The following RTF2 variants were observed in gnomAD, a reference collection of about 807,000 sequenced individuals.
RTF2 encodes replication termination factor 2.
A neutral mutation model predicts 38.0 loss-of-function variants in RTF2; 18 were observed. The ratio of observed to expected loss-of-function variants is 0.47; its 90% CI spans 0.33 to 0.70. RTF2 has a LOEUF of 0.70. Ranked by LOEUF, RTF2 falls within the 30% of genes least tolerant of loss-of-function variation. The pLI is 0.02. For missense variants in RTF2, 311 were observed against 379.6 expected, an observed-to-expected ratio of 0.82 and a Z score of 1.50; for synonymous variants, 126 against 137.1, an observed-to-expected ratio of 0.92 and a Z score of 0.57.
intron 5 of RTF2, among the ~76,000 whole-genome samples, chr20:56,510,006 A>G (rs12480844): frequency 0.27 from 41,511 of 151,888 alleles, 6,917 homozygotes; most frequent in South Asian, 0.43. Context: ...AAAAACATGT[A>G]TATTGTATGA....
At chr20:56,491,610 G>A (rs758359093) in intron 5 of RTF2, 1 of 1,551,734 alleles carries the variant, frequency 6.4e-7, no homozygotes, top group Non-Finnish European at 8.7e-7. Flanking sequence ...TGCCAGTGTG[G>A]CTCTATAGGA....
Position 56,469,813 on chromosome 20 carries a change from T to C in RTF2, c.69+1047T>C, listed in dbSNP as rs139163675. On this transcript the variant is annotated intron_variant, in intron 1 of 8. Transcript: ENST00000357348. ...CTGCCCCTCTCCACCTCTTTCATAC[T>C]GTTCTAGCTAAACAGGCCTCTTGTT... Among the ~76,000 whole-genome samples, 39 of 152,350 alleles carry C rather than the reference T, an allele frequency of 2.6e-4. 1 individual carries two copies. The East Asian group carries it at 7.5e-3, about 29-fold the overall frequency.
intron 5 of RTF2, among the ~76,000 whole-genome samples, chr20:56,507,777 G>A (rs948247724): frequency 3.3e-5 from 5 of 152,170 alleles, no homozygotes; most frequent in Non-Finnish European, 5.9e-5. Context: ...GGCCCTTTAC[G>A]TCATAGCCAC....
intron 5 of RTF2, among the ~76,000 whole-genome samples, chr20:56,487,607 A>G (rs1160082477): frequency 2.0e-5 from 3 of 152,200 alleles, no homozygotes; most frequent in Admixed American, 1.3e-4. Context: ...TTACTTTTAT[A>G]CTGTACATCA....
At chr20:56,500,628 T>A (rs1272537535) in intron 5 of RTF2, among the ~76,000 whole-genome samples, 1 of 152,234 alleles carries the variant, frequency 6.6e-6, no homozygotes, top group East Asian at 1.9e-4. Flanking sequence ...GCTGTGGCCT[T>A]CTACCTTGGT....
At chr20:56,511,898 T>A (rs1984695878) in intron 5 of RTF2, among the ~76,000 whole-genome samples, 1 of 152,056 alleles carries the variant, frequency 6.6e-6, no homozygotes, top group Non-Finnish European at 1.5e-5. Flanking sequence ...AGTGGCACGA[T>A]CTCGGCTCAC....
intron 6 of RTF2, among the ~76,000 whole-genome samples, chr20:56,514,597 A>G (rs1335080758): frequency 6.6e-6 from 1 of 151,998 alleles, no homozygotes; most frequent in African/African-American, 2.4e-5. Context: ...ACAAGACAGG[A>G]CCGTATCACC....
chr20:56,472,650 T>G (rs1201424856), intron 1 of RTF2, among the ~76,000 whole-genome samples: 1 of 152,214 alleles, frequency 6.6e-6, no homozygotes, highest in East Asian at 1.9e-4. Flanking sequence ...TTCCCATTGT[T>G]AGAAATTAAT....
intron 3 of RTF2, among the ~76,000 whole-genome samples, chr20:56,475,464 G>T (rs563048854): frequency 6.6e-6 from 1 of 152,230 alleles, no homozygotes; most frequent in African/African-American, 2.4e-5. Flanking sequence ...TTGTTCAAAT[G>T]CTTGGGGTTG....
chr20:56,502,149 A>T (rs1260898659), intron 5 of RTF2, among the ~76,000 whole-genome samples: 2 of 152,212 alleles, frequency 1.3e-5, no homozygotes, highest in African/African-American at 4.8e-5. Context: ...CTTTCAGTGG[A>T]AATCATTGTC....
chr20:56,473,035 G>A (rs1284786607), intron 1 of RTF2, among the ~76,000 whole-genome samples: 1 of 152,144 alleles, frequency 6.6e-6, no homozygotes, highest in Non-Finnish European at 1.5e-5. Context: ...AGAGGCTGAG[G>A]TGGAAGGTTT....
At chr20:56,489,291 C>T (rs1387968610) in intron 5 of RTF2, among the ~76,000 whole-genome samples, 1 of 150,766 alleles carries the variant, frequency 6.6e-6, no homozygotes, top group Non-Finnish European at 1.5e-5. Context: ...GTCTGAAACT[C>T]CTGACCTCGT....
chr20:56,485,701 A>G (rs909741163), intron 5 of RTF2, among the ~76,000 whole-genome samples: 1 of 152,212 alleles, frequency 6.6e-6, no homozygotes, highest in Non-Finnish European at 1.5e-5. Context: ...AGAAATTCAA[A>G]TAAAACATTT....
Position 56,475,747 on chromosome 20 carries a change from G to GA in RTF2, c.258+985dup, listed in dbSNP as rs1167886766. Among the ~76,000 whole-genome samples the GA allele has an allele frequency of 2.5e-4, 37 of 148,534 alleles. 1 individual carries two copies. The highest frequency in any genetic ancestry group is 8.7e-4 in the Admixed American group (13 of 14,902). ...CATCAGCACATTACCCATCTGATGA[G>GA]AAAAAAAAACAGTTATTGAAATTAA... is the stretch of plus-strand genomic sequence containing the variant. On this transcript the variant is annotated intron_variant, in intron 3 of 8. Coordinates refer to ENST00000357348, the MANE Select transcript of RTF2 (RefSeq NM_016407.5).
chr20:56,496,221 CAT>C (rs1568701693), intron 5 of RTF2, among the ~76,000 whole-genome samples: 2 of 152,142 alleles, frequency 1.3e-5, no homozygotes, highest in Non-Finnish European at 2.9e-5. Flanking sequence ...GCCAAAGAAA[CAT>C]AGCTGAATTG....
At chr20:56,490,281 T>G (rs151023292) in intron 5 of RTF2, among the ~76,000 whole-genome samples, 1 of 152,370 alleles carries the variant, frequency 6.6e-6, no homozygotes, top group Non-Finnish European at 1.5e-5. Flanking sequence ...GTTCCCATCT[T>G]TAAATCTCTT....
At chr20:56,502,973 A>G (rs1984017632) in intron 5 of RTF2, among the ~76,000 whole-genome samples, 1 of 152,196 alleles carries the variant, frequency 6.6e-6, no homozygotes, top group African/African-American at 2.4e-5. Flanking sequence ...TCTGCCTCAC[A>G]GGGACACTGG....
chr20:56,497,572 C>T (rs1346393505), intron 5 of RTF2: 2 of 1,352,682 alleles, frequency 1.5e-6, no homozygotes, highest in East Asian at 4.6e-5. Flanking sequence ...ACTGCCCTCA[C>T]GACAAGTCCA....
chr20:56,477,048 G>A lies in RTF2; in HGVS notation c.322G>A (p.Gly108Ser), dbSNP rs746027833. The change falls in exon 4 of 9, where the codon GGT becomes AGT. Residue 108 changes from glycine (G) to serine (S), a missense_variant. Coordinates refer to ENST00000357348, the MANE Select transcript of RTF2 (RefSeq NM_016407.5). ...AWEGDKGNTKGDKHDDLQRAR... is the reference protein window; with the variant it reads ...AWEGDKGNTKSDKHDDLQRAR... The stretch of plus-strand genomic sequence containing the variant: ...GGAAGGGGATAAAGGAAACACTAAA[G>A]GTGACAAGCACGATGACCTCCAGCG... The A allele has an allele frequency of 1.4e-5, 23 of 1,614,018 alleles. No individual in the cohort carries two copies. The highest frequency in any genetic ancestry group is 8.5e-7 in the Non-Finnish European group (1 of 1,180,022).
Sources: allele counts gnomAD v4.1 joint callset (sites outside exome capture counted in the v4.1 genomes callset), GRCh38; gene constraint gnomAD v4.1.1; transcripts MANE v1.5; gene names NCBI Gene and HGNC (gene_info 2026-07-23, HGNC 2026-07-21).